PCDH7: variants seen among roughly 807,000 people sequenced by gnomAD.
PCDH7 encodes the protein protocadherin-7.
A neutral mutation model predicts 58.9 loss-of-function variants in PCDH7; 17 were observed. The observed-to-expected ratio is 0.29, with a 90% confidence interval of 0.20 to 0.43. The LOEUF is 0.43. Ranked by LOEUF, PCDH7 falls within the 20% of genes least tolerant of loss-of-function variation. The probability of loss-of-function intolerance (pLI) is 1.00; values close to 1 mark genes in which losing one functional copy is unlikely to be tolerated. For missense variants in PCDH7, 1,274 were observed against 1,441.0 expected, an observed-to-expected ratio of 0.88 and a Z score of 1.88; for synonymous variants, 664 against 616.4, an observed-to-expected ratio of 1.08 and a Z score of -1.14.
intron 3 of PCDH7, among the ~76,000 whole-genome samples, chr4:30,993,736 T>C (rs1751644324): frequency 6.6e-6 from 1 of 152,116 alleles, no homozygotes; most frequent in Non-Finnish European, 1.5e-5. Context: ...ATCTTCAATT[T>C]AGATTTTTTT....
At chr4:31,073,330 C>A (rs1758709311) in intron 3 of PCDH7, among the ~76,000 whole-genome samples, 1 of 152,042 alleles carries the variant, frequency 6.6e-6, no homozygotes, top group East Asian at 1.9e-4. Context: ...TATACTCAAC[C>A]CACTGATATT....
intron 3 of PCDH7, among the ~76,000 whole-genome samples, chr4:31,070,801 T>C (rs1578713976): frequency 6.6e-6 from 1 of 152,114 alleles, no homozygotes; most frequent in South Asian, 2.1e-4. Flanking sequence ...GAGGAAGTTT[T>C]ATTAATTTTT....
At chr4:30,798,290 C>A (rs1725057297) in intron 1 of PCDH7, among the ~76,000 whole-genome samples, 1 of 152,146 alleles carries the variant, frequency 6.6e-6, no homozygotes, top group South Asian at 2.1e-4. Context: ...TTCATGACGG[C>A]ACAGAGGAAG....
chr4:31,029,892 G>A (rs1754753685), intron 3 of PCDH7, among the ~76,000 whole-genome samples: 1 of 152,146 alleles, frequency 6.6e-6, no homozygotes, highest in Non-Finnish European at 1.5e-5. Context: ...TGTGGGTTCT[G>A]AGCATAAAGA....
intron 1 of PCDH7, among the ~76,000 whole-genome samples, chr4:30,753,240 A>G (rs2109260632): frequency 6.6e-6 from 1 of 152,282 alleles, no homozygotes; most frequent in South Asian, 2.1e-4. Context: ...TCTGGTACAT[A>G]TCTCATTTCC....
At chr4:30,897,773 A>G (rs1310569134) in intron 1 of PCDH7, among the ~76,000 whole-genome samples, 1 of 152,232 alleles carries the variant, frequency 6.6e-6, no homozygotes, top group Non-Finnish European at 1.5e-5. Context: ...ATTGTAAACC[A>G]ATGAAATAGG....
At chr4:30,825,604 G>A (rs551304698) in intron 1 of PCDH7, among the ~76,000 whole-genome samples, 2 of 152,220 alleles carry the variant, frequency 1.3e-5, no homozygotes, top group East Asian at 3.9e-4. Flanking sequence ...GCATTACTGT[G>A]ATGGTGGTCC....
chr4:30,838,113 A>G (rs1361049401), intron 1 of PCDH7, among the ~76,000 whole-genome samples: 1 of 151,820 alleles, frequency 6.6e-6, no homozygotes, highest in African/African-American at 2.4e-5. Context: ...CATATGGCCT[A>G]TTTTCCATTG....
rs139470595 is a variant in PCDH7, at chr4:31,024,534, G to A, written c.*7+74319G>A. 2.6e-5 allele frequency among the ~76,000 whole-genome samples: 4 copies of A among 152,216 alleles called. No individual in the cohort carries two copies. In the East Asian group the frequency reaches 5.8e-4, roughly 22 times the overall value. The stretch of plus-strand genomic sequence containing the variant: ...ATGACATAAATAAATATTAGAATCA[G>A]TACCATAATTTAAACCTGTTTGTGT... On this transcript the variant is annotated intron_variant, in intron 3 of 3. Transcript: ENST00000509759.
At chr4:31,102,721 A>G (rs1231312973) in intron 3 of PCDH7, among the ~76,000 whole-genome samples, 2 of 151,968 alleles carry the variant, frequency 1.3e-5, no homozygotes, top group African/African-American at 4.8e-5. Context: ...GTGTATCAGG[A>G]TTATAGTCAA....
rs569691832 is a variant in PCDH7 at position 31,087,716 on chromosome 4, C to T, written c.*8-54757C>T. 5.3e-5 allele frequency among the ~76,000 whole-genome samples: 8 copies of T among 152,120 alleles called. No homozygotes were observed. In the East Asian group the frequency reaches 1.4e-3, roughly 26 times the overall value. On this transcript the variant is annotated intron_variant, in intron 3 of 3. Coordinates refer to the PCDH7 transcript ENST00000509759. ...ACCAATATGAAGGGAACTAAAATGT[C>T]GATTAATTCAGAATTTCATCTTGTC...
chr4:30,898,162 T>C (rs1739695888), intron 1 of PCDH7, among the ~76,000 whole-genome samples: 1 of 152,196 alleles, frequency 6.6e-6, no homozygotes, highest in Non-Finnish European at 1.5e-5. Flanking sequence ...GGGGAAAAAC[T>C]GCATGAACTA....
intron 3 of PCDH7, among the ~76,000 whole-genome samples, chr4:31,024,867 G>A (rs1259776093): frequency 6.6e-6 from 1 of 151,974 alleles, no homozygotes; most frequent in East Asian, 1.9e-4. Context: ...CTCAGCCTCT[G>A]GAGTATCTGG....
At position 31,062,060 on chromosome 4, in the gene PCDH7, C is replaced by T. The variant is rs1757732929; in HGVS notation, c.*8-80413C>T. Among the ~76,000 whole-genome samples the T allele has an allele frequency of 2.0e-5, 3 of 151,604 alleles. No homozygotes were observed. The Admixed American group carries it at 2.0e-4, about 10-fold the overall frequency. On this transcript the variant is annotated intron_variant, in intron 3 of 3. Transcript: ENST00000509759. Reference sequence around the variant, plus strand: ...AGTGGATTCTGCAACTGTTTAACATCCAAGAATCCTTTCAGATACTCATGT... The same window carrying T: ...AGTGGATTCTGCAACTGTTTAACATTCAAGAATCCTTTCAGATACTCATGT...
intron 3 of PCDH7, among the ~76,000 whole-genome samples, chr4:31,119,656 A>C (rs1248946891): frequency 1.3e-5 from 2 of 152,114 alleles, no homozygotes; most frequent in Non-Finnish European, 2.9e-5. Context: ...GAGGTTTTAT[A>C]TGTCGGCATT....
intron 3 of PCDH7, among the ~76,000 whole-genome samples, chr4:31,082,591 T>C (rs905029141): frequency 5.3e-5 from 8 of 152,070 alleles, no homozygotes; most frequent in Non-Finnish European, 8.8e-5. Context: ...TTATCAGAAG[T>C]TGATTTTACA....
At chr4:30,760,617 A>G (rs1719899750) in intron 1 of PCDH7, among the ~76,000 whole-genome samples, 1 of 152,164 alleles carries the variant, frequency 6.6e-6, no homozygotes, top group African/African-American at 2.4e-5. Flanking sequence ...AGAATAAAAT[A>G]CCTAGGAATA....
At chr4:31,130,577 A>G (rs1388670298) in intron 3 of PCDH7, among the ~76,000 whole-genome samples, 1 of 152,220 alleles carries the variant, frequency 6.6e-6, no homozygotes, top group Non-Finnish European at 1.5e-5. Flanking sequence ...TAGAGTCTTA[A>G]GGCAATGAAA....
intron 1 of PCDH7, among the ~76,000 whole-genome samples, chr4:30,750,011 C>A (rs1424576038): frequency 6.6e-6 from 1 of 152,080 alleles, no homozygotes; most frequent in Non-Finnish European, 1.5e-5. Context: ...AGTTTCTATA[C>A]AAAAGGTATT....
Sources: allele counts gnomAD v4.1 joint callset (sites outside exome capture counted in the v4.1 genomes callset), GRCh38; gene constraint gnomAD v4.1.1; transcripts MANE v1.5; gene names NCBI Gene and HGNC (gene_info 2026-07-23, HGNC 2026-07-21).